NTNG1: variants seen among roughly 807,000 people sequenced by gnomAD.
NTNG1 encodes the protein netrin-G1.
Under a neutral mutation model 54.0 loss-of-function variants are expected in NTNG1, and 16 were observed. That is an observed-to-expected ratio of 0.30 (90% CI 0.20 to 0.45). The LOEUF is 0.45. Among genes scored for constraint, NTNG1 ranks in the 20% least tolerant of loss-of-function variants. NTNG1 has a pLI of 1.00. For synonymous variants in NTNG1, 255 were observed against 263.1 expected, an observed-to-expected ratio of 0.97 and a Z score of 0.30; for missense variants, 530 against 678.7, an observed-to-expected ratio of 0.78 and a Z score of 2.43.
chr1:107,476,324 A>C (rs986937888), intron 7 of NTNG1, among the ~76,000 whole-genome samples: 4 of 152,092 alleles, frequency 2.6e-5, no homozygotes, highest in Non-Finnish European at 4.4e-5. Context: ...TCTAGGATGA[A>C]GTCTTCTACT....
intron 2 of NTNG1, among the ~76,000 whole-genome samples, chr1:107,310,876 A>C (rs1173581181): frequency 6.6e-6 from 1 of 152,106 alleles, no homozygotes; most frequent in Non-Finnish European, 1.5e-5. Flanking sequence ...TTAAAAAAAA[A>C]ATAAATCCAA....
At chr1:107,155,579 T>C (rs544413225) in intron 2 of NTNG1, among the ~76,000 whole-genome samples, 21 of 152,286 alleles carry the variant, frequency 1.4e-4, no homozygotes, top group African/African-American at 5.1e-4. Flanking sequence ...CACATTCGCT[T>C]CATGTTTACT....
chr1:107,253,135 G>A (rs1662716921), intron 2 of NTNG1, among the ~76,000 whole-genome samples: 1 of 152,176 alleles, frequency 6.6e-6, no homozygotes, highest in Non-Finnish European at 1.5e-5. Flanking sequence ...AAGTCTTAAG[G>A]TGGTTTCACT....
chr1:107,345,577 G>A (rs975286818), intron 3 of NTNG1, among the ~76,000 whole-genome samples: 2 of 152,022 alleles, frequency 1.3e-5, no homozygotes, highest in African/African-American at 4.8e-5. Flanking sequence ...TATTCATGAC[G>A]GCAACCTTCA....
chr1:107,295,788 A>G (rs191767064), intron 2 of NTNG1, among the ~76,000 whole-genome samples: 5 of 152,286 alleles, frequency 3.3e-5, no homozygotes, highest in Admixed American at 6.5e-5. Flanking sequence ...AAAGTAAATG[A>G]TGACAGAATC....
intron 2 of NTNG1, among the ~76,000 whole-genome samples, chr1:107,287,884 A>G (rs1187318296): frequency 6.6e-6 from 1 of 152,176 alleles, no homozygotes; most frequent in East Asian, 1.9e-4. Context: ...ATAAGGTAAT[A>G]TAAGATAAAG....
At chr1:107,256,641 C>T (rs753794202) in intron 2 of NTNG1, among the ~76,000 whole-genome samples, 11 of 152,100 alleles carry the variant, frequency 7.2e-5, no homozygotes, top group Non-Finnish European at 5.9e-5. Flanking sequence ...CAGATAATGC[C>T]GCATTTGCAG....
chr1:107,366,519 G>A (rs1368385469), intron 3 of NTNG1, among the ~76,000 whole-genome samples: 1 of 152,126 alleles, frequency 6.6e-6, no homozygotes, highest in Non-Finnish European at 1.5e-5. Context: ...TGTTCCAAAG[G>A]GCTACAGAAT....
chr1:107,380,152 A>G (rs577008020), intron 3 of NTNG1, among the ~76,000 whole-genome samples: 1 of 152,246 alleles, frequency 6.6e-6, no homozygotes, highest in African/African-American at 2.4e-5. Context: ...GATGCTACCC[A>G]CTTTTTATTT....
chr1:107,160,879 G>T (rs1359881851), intron 2 of NTNG1, among the ~76,000 whole-genome samples: 1 of 152,032 alleles, frequency 6.6e-6, no homozygotes, highest in Non-Finnish European at 1.5e-5. Flanking sequence ...CCTCAAAGGG[G>T]CCTACCTGAC....
intron 2 of NTNG1, among the ~76,000 whole-genome samples, chr1:107,259,758 G>C (rs1663175941): frequency 6.6e-6 from 1 of 152,178 alleles, no homozygotes; most frequent in Admixed American, 6.5e-5. Flanking sequence ...TAGTATGTGA[G>C]ATGTGTGTGA....
chr1:107,477,956 T>C (rs684621), intron 7 of NTNG1, among the ~76,000 whole-genome samples: 135,951 of 152,254 alleles, frequency 0.89, 61,426 homozygotes, highest in East Asian at 1. Flanking sequence ...GATTTAAACT[T>C]CATAAGAGCA....
intron 7 of NTNG1, among the ~76,000 whole-genome samples, chr1:107,440,743 C>A (rs575189438): frequency 6.6e-6 from 1 of 152,088 alleles, no homozygotes; most frequent in Non-Finnish European, 1.5e-5. Context: ...GAAAGTGAAG[C>A]AAAGCTGACC....
chr1:107,188,918 T>C (rs1327549970), intron 2 of NTNG1, among the ~76,000 whole-genome samples: 1 of 152,126 alleles, frequency 6.6e-6, no homozygotes, highest in Admixed American at 6.6e-5. Context: ...TCCTTCCTGG[T>C]AATCTCAAAT....
intron 2 of NTNG1, among the ~76,000 whole-genome samples, chr1:107,167,597 G>C (rs570386942): frequency 6.6e-6 from 1 of 151,782 alleles, no homozygotes; most frequent in Non-Finnish European, 1.5e-5. Flanking sequence ...GAGGTGAAGA[G>C]GTTAAATGAC....
chr1:107,402,165 T>TA lies in NTNG1; in HGVS notation c.1061-5516dup, dbSNP rs1039749709. Among the ~76,000 whole-genome samples, 5 of 152,186 alleles carry TA rather than the reference T, an allele frequency of 3.3e-5. 1 individual carries two copies. Among genetic ancestry groups the TA allele is most frequent in the Admixed American group, 3.3e-4 (5 of 15,276 alleles). On this transcript the variant is annotated intron_variant, in intron 4 of 7. Transcript: ENST00000370068. ...ATTCAAGTCCTTATGGCCAGTGTATTATCTTTCCTGTAATTAAGTCTATGT... is the reference window on the plus strand; with the variant it reads ...ATTCAAGTCCTTATGGCCAGTGTATTAATCTTTCCTGTAATTAAGTCTATGT...
intron 3 of NTNG1, among the ~76,000 whole-genome samples, chr1:107,331,597 C>A (rs930663074): frequency 4.6e-5 from 7 of 152,054 alleles, no homozygotes; most frequent in Admixed American, 4.6e-4. Context: ...TCTTCATAAA[C>A]TTTTATTATG....
intron 2 of NTNG1, among the ~76,000 whole-genome samples, chr1:107,175,080 C>T (rs147891803): frequency 4.3e-4 from 65 of 152,220 alleles, no homozygotes; most frequent in African/African-American, 1.5e-3. Flanking sequence ...TAGTGCTTTA[C>T]GATTTTCACA....
chr1:107,268,412 T>G (rs1238356906), intron 2 of NTNG1, among the ~76,000 whole-genome samples: 1 of 152,176 alleles, frequency 6.6e-6, no homozygotes, highest in Non-Finnish European at 1.5e-5. Context: ...TTGGACTCAG[T>G]TGGTTACTCC....
Sources: gnomAD v4.1 joint callset for allele counts (sites outside exome capture counted in the v4.1 genomes callset) on GRCh38, gnomAD v4.1.1 for gene constraint, MANE v1.5 for transcripts, NCBI Gene and HGNC (gene_info 2026-07-23, HGNC 2026-07-21) for gene names.